The following RBP4 variants were observed in gnomAD, a reference collection of about 807,000 sequenced individuals.
RBP4 encodes retinol-binding protein 4.
Under a neutral mutation model 26.2 loss-of-function variants are expected in RBP4, and 9 were observed. The observed-to-expected ratio is 0.34, with a 90% CI of 0.21 to 0.60. The LOEUF (loss-of-function observed/expected upper bound fraction) is 0.60, where lower values mean the gene tolerates loss of function less well. RBP4 is among the 20% of genes least tolerant of loss of function. The pLI, the probability that RBP4 is intolerant of heterozygous loss-of-function variation, is 0.80. For synonymous variants in RBP4, 114 were observed against 111.0 expected (o/e 1.03, Z -0.17); for missense variants, 244 against 271.3 (o/e 0.90, Z 0.71).
rs2058336966 is a variant in RBP4 at position 93,601,199 on chromosome 10, G to A, written c.-47C>T. Reference sequence around the variant, plus strand: ...CGGGAGGGGAACCGCGCGCAAGCCTGGCCGCCGAGTCCGGGCGCGCGTGGA... The same window carrying A: ...CGGGAGGGGAACCGCGCGCAAGCCTAGCCGCCGAGTCCGGGCGCGCGTGGA... On this transcript the variant is annotated 5_prime_UTR_variant, in exon 1 of 6. Transcript: ENST00000371464. 1.5e-6 allele frequency: 2 copies of A among 1,343,408 alleles called. No individual in the cohort carries two copies. Among genetic ancestry groups the A allele is most frequent in the Non-Finnish European group, 9.5e-7 (1 of 1,056,796 alleles). The allele number at this position is 1,343,408 out of a possible 1,614,324, so 83.2% of individuals were successfully genotyped here.
In RBP4 at chr10:93,592,050, A is replaced by G; in HGVS notation, c.*25T>C. 1.9e-6 allele frequency: 3 copies of G among 1,599,166 alleles called. No individual in the cohort carries two copies. The highest frequency in any genetic ancestry group is 2.6e-6 in the Non-Finnish European group (3 of 1,166,350). On this transcript the variant is annotated 3_prime_UTR_variant, in exon 6 of 6. Transcript: ENST00000371464. ...GACTGAGAGCTAATCAGAAGTTCTC[A>G]GATGAAACTAGATTCTTGATATTGC...
At chr10:93,593,686 G>T in intron 5 of RBP4, 137 bp downstream of exon 5, 1 of 942,944 alleles carries the variant, frequency 1.1e-6, no homozygotes, top group Non-Finnish European at 1.7e-6. Context: ...ATCTGGATTT[G>T]GCCTCAGAAA....
At chr10:93,596,491 G>A (rs150760117) in intron 4 of RBP4, among the ~76,000 whole-genome samples, 21 of 152,232 alleles carry the variant, frequency 1.4e-4, no homozygotes, top group African/African-American at 4.6e-4. Context: ...CCTCACACCC[G>A]GCAGCTGGGC....
upstream of RBP4, chr10:93,601,433 G>C (rs2058338965): frequency 2.5e-6 from 3 of 1,203,860 alleles, no homozygotes; most frequent in Non-Finnish European, 3.3e-6. Flanking sequence ...ACAGTGGAGC[G>C]GCCGCGCGGG....
intron 4 of RBP4, among the ~76,000 whole-genome samples, chr10:93,597,528 C>T (rs773957740): frequency 6.6e-6 from 1 of 152,184 alleles, no homozygotes; most frequent in African/African-American, 2.4e-5. Flanking sequence ...AGCCTGTATT[C>T]AACCAAGACC....
chr10:93,594,184 C>A (rs978747784), intron 4 of RBP4, 149 bp from the exon 5 acceptor site: 4 of 813,056 alleles, frequency 4.9e-6, no homozygotes, highest in Non-Finnish European at 6.1e-6. Flanking sequence ...AGAATTCTGA[C>A]AACTTTTATA....
intron 4 of RBP4, 53 bp downstream of exon 4, chr10:93,600,340 T>A: frequency 6.7e-7 from 1 of 1,491,662 alleles, no homozygotes; most frequent in Non-Finnish European, 9.4e-7. Flanking sequence ...CCCAGCGATT[T>A]GGCCCGGTAG....
chr10:93,595,394 G>A (rs1252028476), intron 4 of RBP4, among the ~76,000 whole-genome samples: 2 of 152,266 alleles, frequency 1.3e-5, no homozygotes, highest in East Asian at 3.9e-4. Flanking sequence ...TTACAGGTGA[G>A]GAAACTGAGG....
At position 93,600,433 on chromosome 10, in the gene RBP4, C is replaced by T; in HGVS notation, c.315G>A (p.Lys105=). ...FTDTEDPAKF[K]MKYWGVASFL... is the part of the protein sequence containing the mutation. The stretch of plus-strand genomic sequence containing the variant: ...AGGAGGCTACGCCCCAGTACTTCAT[C>T]TTGAACTTGGCAGGGTCCTCGGTGT... Residue 105 remains lysine, a synonymous_variant, in exon 4 of 6, where the codon AAG becomes AAA. Coordinates refer to ENST00000371464, the MANE Select transcript of RBP4 (RefSeq NM_006744.4). 1 of 1,614,160 alleles carries T rather than the reference C, an allele frequency of 6.2e-7. No homozygotes were observed. The highest frequency in any genetic ancestry group is 8.5e-7 in the Non-Finnish European group (1 of 1,180,030).
rs553625904 is a variant in RBP4 at position 93,595,876 on chromosome 10, C to T, written c.356-1841G>A. On this transcript the variant is annotated intron_variant, in intron 4 of 5. Coordinates refer to ENST00000371464, the MANE Select transcript of RBP4 (RefSeq NM_006744.4). ...GCCACTCCTGTGCCTTGAGGCTGTT[C>T]CAGGGTAACAGTGTCAGAGGTGGGG... is the stretch of plus-strand genomic sequence containing the variant. Among the ~76,000 whole-genome samples the T allele has an allele frequency of 3.3e-5, 5 of 152,320 alleles. No individual in the cohort carries two copies. The South Asian group carries it at 1.0e-3, about 32-fold the overall frequency.
At position 93,600,929 on chromosome 10, in the gene RBP4, C is replaced by G; in HGVS notation, c.100G>C (p.Asp34His). The change falls in exon 2 of 6, where the codon GAC becomes CAC. Residue 34 changes from aspartate (D) to histidine (H), a missense_variant. Physicochemically the swap from Asp to His is moderately conservative, Grantham distance 81 (BLOSUM62 -1). Transcript: ENST00000371464. ...GGGCCGATACCTACGCGAGCCTTGT[C>G]GAAGTTCTCCTTGACTCGGAAGCTG... ...VSSFRVKENF[D>H]KARFSGTWYA... 1.2e-6 allele frequency: 2 copies of G among 1,612,494 alleles called. No homozygotes were observed. The highest frequency in any genetic ancestry group is 1.7e-6 in the Non-Finnish European group (2 of 1,179,768).
intron 4 of RBP4, among the ~76,000 whole-genome samples, chr10:93,594,611 ACTT>A (rs1319162031): frequency 7.2e-5 from 11 of 152,050 alleles, no homozygotes; most frequent in African/African-American, 2.7e-4. Flanking sequence ...AATGCTACTC[ACTT>A]CTTTGTGCCG....
intron 4 of RBP4, among the ~76,000 whole-genome samples, chr10:93,597,116 C>G (rs2058307574): frequency 6.6e-6 from 1 of 152,178 alleles, no homozygotes; most frequent in African/African-American, 2.4e-5. Flanking sequence ...GGGCCGTGCC[C>G]TTAGAATTTC....
upstream of RBP4, chr10:93,601,504 A>T (rs983795282): frequency 1.4e-6 from 1 of 706,866 alleles, no homozygotes; most frequent in African/African-American, 1.8e-5. Context: ...CACTCGTGCC[A>T]GCGGCCGCCA....
In RBP4 at chr10:93,600,446, G is replaced by A. The variant is rs149091963; in HGVS notation, c.302C>T (p.Pro101Leu). 1 of 1,614,016 alleles carries A rather than the reference G, an allele frequency of 6.2e-7. No individual in the cohort carries two copies. Among genetic ancestry groups the A allele is most frequent in the African/African-American group, 1.3e-5 (1 of 74,932 alleles). The change falls in exon 4 of 6, where the codon CCT becomes CTT. Residue 101 changes from proline to leucine, a missense_variant. Coordinates refer to ENST00000371464, the MANE Select transcript of RBP4 (RefSeq NM_006744.4). Reference protein sequence around the residue: ...MVGTFTDTEDPAKFKMKYWGV... With the variant: ...MVGTFTDTEDLAKFKMKYWGV... ...CCAGTACTTCATCTTGAACTTGGCAGGGTCCTCGGTGTCTGTGAAGGTGCC... is the reference window on the plus strand; with the variant it reads ...CCAGTACTTCATCTTGAACTTGGCAAGGTCCTCGGTGTCTGTGAAGGTGCC...
upstream of RBP4, chr10:93,601,696 A>C (rs530856532): frequency 1.3e-5 from 10 of 779,152 alleles, no homozygotes; most frequent in African/African-American, 1.2e-4. Flanking sequence ...CCACTTGTGC[A>C]GGAATTTTGG....
chr10:93,594,139 C>A (rs1205986105), intron 4 of RBP4, 104 bp from the exon 5 acceptor site: 8 of 1,136,106 alleles, frequency 7.0e-6, no homozygotes, highest in Non-Finnish European at 9.2e-6. Flanking sequence ...CTTCCAGAAG[C>A]TGGTTTTATT....
At chr10:93,595,711 T>C (rs2058298636) in intron 4 of RBP4, among the ~76,000 whole-genome samples, 1 of 152,222 alleles carries the variant, frequency 6.6e-6, no homozygotes, top group African/African-American at 2.4e-5. Context: ...AAGTTGCCTC[T>C]GGGTGTGCCT....
chr10:93,600,959 C>G lies in RBP4; in HGVS notation c.70G>C (p.Val24Leu), dbSNP rs753792133. Residue 24 changes from valine to leucine, a missense_variant, in exon 2 of 6, where the codon GTG becomes CTG. By Grantham distance (32) the Val-to-Leu change is conservative. Coordinates refer to ENST00000371464, the MANE Select transcript of RBP4 (RefSeq NM_006744.4). The part of the protein sequence containing the change: ...GSGRAERDCR[V>L]SSFRVKENFD... ...TTCTCCTTGACTCGGAAGCTGCTCA[C>G]TCGGCAGTCGCGCTCCGCGCGGCCG... 1 of 1,612,480 alleles carries G rather than the reference C, an allele frequency of 6.2e-7. No homozygotes were observed. Among genetic ancestry groups the G allele is most frequent in the Non-Finnish European group, 8.5e-7 (1 of 1,179,752 alleles).
Sources: allele counts gnomAD v4.1 joint callset (sites outside exome capture counted in the v4.1 genomes callset), GRCh38; gene constraint gnomAD v4.1.1; transcripts MANE v1.5; gene names NCBI Gene and HGNC (gene_info 2026-07-23, HGNC 2026-07-21).